The following UGT1A8 variants were observed in gnomAD, a reference collection of about 807,000 sequenced individuals.
The protein encoded by UGT1A8 is UDP-glucuronosyltransferase 1A8.
Under a neutral mutation model 45.3 loss-of-function variants are expected in UGT1A8, and 39 were observed. The ratio of observed to expected loss-of-function variants is 0.86; its 90% CI spans 0.67 to 1.12. The LOEUF (loss-of-function observed/expected upper bound fraction) is 1.12. Ranked by LOEUF, UGT1A8 falls within the 50% of genes most tolerant of loss-of-function variation. The pLI is 0.00. For synonymous variants in UGT1A8, 275 were observed against 249.2 expected, an observed-to-expected ratio of 1.10 and a Z score of -0.97; for missense variants, 719 against 664.9, an observed-to-expected ratio of 1.08 and a Z score of -0.90.
In UGT1A8 at chr2:233,743,171, T is replaced by G. The variant is rs182109098; in HGVS notation, c.856-23863T>G. The G allele has an allele frequency of 7.8e-4, 286 of 364,898 alleles. 2 individuals are homozygous for G. Among genetic ancestry groups the G allele is most frequent in the East Asian group, 3.6e-3 (49 of 13,664 alleles). 22.6% of individuals were successfully genotyped at this position (364,898 alleles called of 1,614,324 possible). A position where few individuals can be genotyped will look rare whatever the true frequency, so the allele number is the denominator to read the frequency against. ...GCTATTCCTCCAGATGTGCTTAAAG[T>G]CAAATGTGGACTGGAATTACTTGGT... On this transcript the variant is annotated intron_variant, in intron 1 of 4. Coordinates refer to ENST00000373450, the MANE Select transcript of UGT1A8 (RefSeq NM_019076.5).
intron 1 of UGT1A8, chr2:233,672,307 A>T (rs2074220649): frequency 6.2e-7 from 1 of 1,613,946 alleles, no homozygotes; most frequent in African/African-American, 1.3e-5. Context: ...TTCAAATTGC[A>T]GGAGTTTGTT....
intron 1 of UGT1A8, among the ~76,000 whole-genome samples, chr2:233,719,977 G>A (rs928010366): frequency 8.5e-5 from 13 of 152,146 alleles, no homozygotes; most frequent in Admixed American, 4.6e-4. Flanking sequence ...CCTTCAGCTC[G>A]GCAGGATCAG....
intron 1 of UGT1A8, among the ~76,000 whole-genome samples, chr2:233,627,607 C>CCCTTCCTT: frequency 7.1e-6 from 1 of 140,306 alleles, no homozygotes; most frequent in Non-Finnish European, 1.6e-5. Flanking sequence ...TCATGAATCT[C>CCCTTCCTT]CCTTCCTTCC....
chr2:233,719,378 G>C, intron 1 of UGT1A8: 1 of 1,613,952 alleles, frequency 6.2e-7, no homozygotes, highest in Non-Finnish European at 8.5e-7. Flanking sequence ...AGGGCACACA[G>C]TGTCCAAATC....
chr2:233,753,865 C>T (rs560460253), intron 1 of UGT1A8, among the ~76,000 whole-genome samples: 1 of 152,330 alleles, frequency 6.6e-6, no homozygotes, highest in East Asian at 1.9e-4. Context: ...CACATAACCC[C>T]AAGGTCTGTC....
At chr2:233,691,294 G>A in intron 1 of UGT1A8, 1 of 985,516 alleles carries the variant, frequency 1.0e-6, no homozygotes. Flanking sequence ...ATTGTAAGCT[G>A]CCAATCCTCT....
chr2:233,759,981 A>G (rs1234447648), intron 1 of UGT1A8, among the ~76,000 whole-genome samples: 1 of 152,088 alleles, frequency 6.6e-6, no homozygotes, highest in African/African-American at 2.4e-5. Context: ...CTCTGGTAAC[A>G]CTTGTTGGTC....
chr2:233,673,088 G>A (rs951487954), intron 1 of UGT1A8, among the ~76,000 whole-genome samples: 2 of 151,938 alleles, frequency 1.3e-5, no homozygotes, highest in African/African-American at 2.4e-5. Context: ...TCCCTTTTTT[G>A]TTAATTCTAT....
intron 1 of UGT1A8, chr2:233,672,431 T>C (rs1368125646): frequency 1.2e-6 from 2 of 1,613,992 alleles, no homozygotes; most frequent in African/African-American, 1.3e-5. Flanking sequence ...CTCCCCTCCG[T>C]GGTCTTCGCC....
chr2:233,713,664 C>T (rs17862867), intron 1 of UGT1A8: 157,954 of 1,613,772 alleles, frequency 0.098, 8,758 homozygotes, highest in South Asian at 0.2. Flanking sequence ...CTACCTTTGC[C>T]ATGCTGTTTC....
At chr2:233,644,079 C>T (rs1575396522) in intron 1 of UGT1A8, among the ~76,000 whole-genome samples, 1 of 152,250 alleles carries the variant, frequency 6.6e-6, no homozygotes, top group African/African-American at 2.4e-5. Context: ...TGTCATACTC[C>T]CCTTTACCCA....
At chr2:233,709,530 T>C (rs777975789) in intron 1 of UGT1A8, among the ~76,000 whole-genome samples, 1 of 152,190 alleles carries the variant, frequency 6.6e-6, no homozygotes, top group Non-Finnish European at 1.5e-5. Flanking sequence ...TTCTTTTTCC[T>C]ACTGTGATAT....
chr2:233,650,968 C>T (rs1460146911), intron 1 of UGT1A8, among the ~76,000 whole-genome samples: 1 of 152,122 alleles, frequency 6.6e-6, no homozygotes, highest in African/African-American at 2.4e-5. Context: ...GACTTTGTAA[C>T]ACAGTTGTAT....
chr2:233,659,673 T>C (rs1181512749), intron 1 of UGT1A8, among the ~76,000 whole-genome samples: 3 of 152,188 alleles, frequency 2.0e-5, no homozygotes, highest in Non-Finnish European at 4.4e-5. Flanking sequence ...TTTAACTTAA[T>C]GGAAATACAT....
chr2:233,645,150 G>A lies in UGT1A8; in HGVS notation c.855+26588G>A, dbSNP rs144427814. On this transcript the variant is annotated intron_variant, in intron 1 of 4. Transcript: ENST00000373450. ...CTGCCTTCAGGGACAAAGCATCGATGAAAGCAATCCAGAAAAATTGTTCTT... is the reference window on the plus strand; with the variant it reads ...CTGCCTTCAGGGACAAAGCATCGATAAAAGCAATCCAGAAAAATTGTTCTT... Among the ~76,000 whole-genome samples the A allele has an allele frequency of 1.4e-3, 210 of 152,280 alleles. 1 individual carries two copies. Among genetic ancestry groups the A allele is most frequent in the African/African-American group, 4.8e-3 (198 of 41,558 alleles).
At position 233,767,811 on chromosome 2, in the gene UGT1A8, G is replaced by C. The variant is rs887887266; in HGVS notation, c.988-38G>C. 1.2e-5 allele frequency: 19 copies of C among 1,614,006 alleles called. No individual in the cohort carries two copies. In the Admixed American group the frequency reaches 2.8e-4, roughly 24 times the overall value. On this transcript the variant is annotated intron_variant, in intron 2 of 4. Coordinates refer to ENST00000373450, the MANE Select transcript of UGT1A8 (RefSeq NM_019076.5). ...CAGATTTGTTTTCTAATCATATTAT[G>C]TTCTTTCTTTACGTTCTGCTCTTTT...
At chr2:233,702,441 A>T (rs897669442) in intron 1 of UGT1A8, among the ~76,000 whole-genome samples, 12 of 152,156 alleles carry the variant, frequency 7.9e-5, no homozygotes, top group Non-Finnish European at 1.5e-4. Flanking sequence ...TCTAATAAGG[A>T]TAACATTTAT....
At chr2:233,712,869 C>G in intron 1 of UGT1A8, 1 of 1,581,894 alleles carries the variant, frequency 6.3e-7, no homozygotes, top group Non-Finnish European at 8.6e-7. Context: ...GAGGAGGGCA[C>G]TCTGTCTTCA....
chr2:233,630,835 A>G (rs1204491785), intron 1 of UGT1A8, among the ~76,000 whole-genome samples: 1 of 146,326 alleles, frequency 6.8e-6, no homozygotes, highest in African/African-American at 2.5e-5. Flanking sequence ...CTGCTCTAAA[A>G]CTCTTTTTTT....
Sources: allele counts gnomAD v4.1 joint callset (sites outside exome capture counted in the v4.1 genomes callset), GRCh38; gene constraint gnomAD v4.1.1; transcripts MANE v1.5; gene names NCBI Gene and HGNC (gene_info 2026-07-23, HGNC 2026-07-21).